Variants in PLPP4 observed in about 807,000 individuals in gnomAD.
PLPP4 encodes the protein phospholipid phosphatase 4, also known as diacylglycerol pyrophosphate like 2.
Under a neutral mutation model 32.2 loss-of-function variants are expected in PLPP4, and 20 were observed. The observed-to-expected ratio is 0.62, with a 90% CI of 0.44 to 0.90. The LOEUF (loss-of-function observed/expected upper bound fraction) is 0.90, where lower values mean the gene tolerates loss of function less well. Among genes scored for constraint, PLPP4 ranks in the 40% least tolerant of loss-of-function variants. PLPP4 has a pLI of 0.00. For missense variants in PLPP4, 257 were observed against 353.1 expected (o/e 0.73, Z 2.18); for synonymous variants, 127 against 133.0 (o/e 0.95, Z 0.31).
At chr10:120,519,617 C>T (rs1846070675) in intron 4 of PLPP4, among the ~76,000 whole-genome samples, 1 of 152,050 alleles carries the variant, frequency 6.6e-6, no homozygotes, top group African/African-American at 2.4e-5. Flanking sequence ...CAGGCCTCAC[C>T]CCTCTGAGGT....
chr10:120,546,327 T>A (rs1474991911), intron 5 of PLPP4, among the ~76,000 whole-genome samples: 1 of 152,040 alleles, frequency 6.6e-6, no homozygotes, highest in Non-Finnish European at 1.5e-5. Flanking sequence ...ACCTCCCCTG[T>A]CCCCCAACCT....
At chr10:120,558,265 A>C (rs2134003929) in intron 5 of PLPP4, among the ~76,000 whole-genome samples, 1 of 151,982 alleles carries the variant, frequency 6.6e-6, no homozygotes, top group Admixed American at 6.5e-5. Flanking sequence ...ATTATTGCTT[A>C]GTTTTTCCTG....
At chr10:120,553,067 T>A (rs1234018807) in intron 5 of PLPP4, among the ~76,000 whole-genome samples, 1 of 152,228 alleles carries the variant, frequency 6.6e-6, no homozygotes, top group Non-Finnish European at 1.5e-5. Context: ...AAAAGCAGCA[T>A]GATATGAAAG....
intron 5 of PLPP4, among the ~76,000 whole-genome samples, chr10:120,556,854 G>A (rs1274383355): frequency 7.0e-6 from 1 of 143,874 alleles, no homozygotes; most frequent in Non-Finnish European, 1.5e-5. Context: ...TATTTAGGTT[G>A]GTGCAAAAGT....
chr10:120,517,902 A>C (rs1845996413), intron 3 of PLPP4, among the ~76,000 whole-genome samples: 1 of 152,172 alleles, frequency 6.6e-6, no homozygotes, highest in Admixed American at 6.5e-5. Flanking sequence ...TATAAATCTC[A>C]GCTAGTGTTG....
intron 1 of PLPP4, among the ~76,000 whole-genome samples, chr10:120,463,019 CTTTTTT>C (rs71019771): frequency 1.1e-5 from 1 of 89,338 alleles, no homozygotes. Context: ...AAGTTTCTTT[CTTTTTT>C]TTTTTTTTTT....
intron 1 of PLPP4, among the ~76,000 whole-genome samples, chr10:120,475,017 G>T (rs7092731): frequency 6.6e-6 from 1 of 152,102 alleles, no homozygotes; most frequent in Admixed American, 6.5e-5. Context: ...ATTTACACCA[G>T]ATTTGGATGG....
At chr10:120,491,288 G>A (rs913430705) in intron 1 of PLPP4, among the ~76,000 whole-genome samples, 15 of 152,236 alleles carry the variant, frequency 9.9e-5, no homozygotes, top group Middle Eastern at 3.4e-3. Context: ...GTTCACTTTC[G>A]CCAGTACCTC....
chr10:120,533,342 T>C (rs753091175), intron 5 of PLPP4, among the ~76,000 whole-genome samples: 1 of 152,202 alleles, frequency 6.6e-6, no homozygotes, highest in Non-Finnish European at 1.5e-5. Flanking sequence ...GCAAATCCTT[T>C]GCCCATTTTT....
chr10:120,565,079 G>T (rs4097331), intron 5 of PLPP4, among the ~76,000 whole-genome samples: 13,854 of 152,114 alleles, frequency 0.091, 915 homozygotes, highest in African/African-American at 0.17. Flanking sequence ...TCTGAGCAAT[G>T]TAAGAACATT....
intron 5 of PLPP4, among the ~76,000 whole-genome samples, chr10:120,572,586 GC>G (rs1258699665): frequency 6.6e-6 from 1 of 152,014 alleles, no homozygotes; most frequent in African/African-American, 2.4e-5. Flanking sequence ...ACCATACAAA[GC>G]CCCAGGGCAG....
chr10:120,480,550 T>C (rs764479910), intron 1 of PLPP4, among the ~76,000 whole-genome samples: 2 of 152,174 alleles, frequency 1.3e-5, no homozygotes, highest in Non-Finnish European at 2.9e-5. Flanking sequence ...ACTAACAAGG[T>C]AAATCCTAAC....
chr10:120,561,676 C>T (rs1848440342), intron 5 of PLPP4, among the ~76,000 whole-genome samples: 1 of 152,172 alleles, frequency 6.6e-6, no homozygotes, highest in Non-Finnish European at 1.5e-5. Flanking sequence ...GCTATGCATA[C>T]AGTTGTGGTC....
At chr10:120,521,512 C>T (rs564445462) in intron 5 of PLPP4, among the ~76,000 whole-genome samples, 1 of 152,282 alleles carries the variant, frequency 6.6e-6, no homozygotes, top group African/African-American at 2.4e-5. Flanking sequence ...CATATACATA[C>T]ATATGTTACA....
chr10:120,576,517 C>T (rs886756977), intron 6 of PLPP4, among the ~76,000 whole-genome samples: 1 of 152,228 alleles, frequency 6.6e-6, no homozygotes, highest in Non-Finnish European at 1.5e-5. Flanking sequence ...TAGCACTACA[C>T]AGCTTCTCCT....
Position 120,579,363 on chromosome 10 carries a change from A to G in PLPP4, c.616+4062A>G, listed in dbSNP as rs758511737. 2.0e-5 allele frequency among the ~76,000 whole-genome samples: 3 copies of G among 152,092 alleles called. No individual in the cohort carries two copies. In the South Asian group the frequency reaches 6.3e-4, roughly 32 times the overall value. ...GTTCCCACCCAGACTAAGGTTGGAAAGCGTCTCGGTCATTCACAGACACAG... is the reference window on the plus strand; with the variant it reads ...GTTCCCACCCAGACTAAGGTTGGAAGGCGTCTCGGTCATTCACAGACACAG... On this transcript the variant is annotated intron_variant, in intron 6 of 6. Coordinates refer to ENST00000398250, the MANE Select transcript of PLPP4 (RefSeq NM_001030059.3).
intron 5 of PLPP4, among the ~76,000 whole-genome samples, chr10:120,570,656 A>C (rs1197799643): frequency 6.6e-6 from 1 of 152,196 alleles, no homozygotes; most frequent in Non-Finnish European, 1.5e-5. Context: ...AAGTTAAACT[A>C]TAACATTGCA....
intron 5 of PLPP4, among the ~76,000 whole-genome samples, chr10:120,524,387 G>T (rs1846298693): frequency 1.3e-5 from 2 of 152,086 alleles, no homozygotes; most frequent in Non-Finnish European, 2.9e-5. Flanking sequence ...TTCATAGGCT[G>T]GACTTGAGTG....
At chr10:120,473,072 A>G (rs1165511199) in intron 1 of PLPP4, among the ~76,000 whole-genome samples, 2 of 152,134 alleles carry the variant, frequency 1.3e-5, no homozygotes, top group African/African-American at 2.4e-5. Context: ...CCACATCAAG[A>G]TGATCTATAC....
Sources: gnomAD v4.1 joint callset for allele counts (sites outside exome capture counted in the v4.1 genomes callset) on GRCh38, gnomAD v4.1.1 for gene constraint, MANE v1.5 for transcripts, NCBI Gene and HGNC (gene_info 2026-07-23, HGNC 2026-07-21) for gene names.